The following CHM variants were observed in gnomAD, a reference collection of about 807,000 sequenced individuals.
CHM encodes the protein CHM Rab escort protein.
In CHM, 10 loss-of-function variants were observed where a neutral mutation model predicts 49.0. That is an observed-to-expected ratio of 0.20 (90% confidence interval 0.13 to 0.35). The LOEUF is 0.35. CHM is among the 10% of genes least tolerant of loss of function. The pLI is 1.00. For synonymous variants in CHM, 184 were observed against 167.5 expected, an observed-to-expected ratio of 1.10 and a Z score of -0.76; for missense variants, 455 against 478.4, an observed-to-expected ratio of 0.95 and a Z score of 0.46.
chrX:85,885,955 T>A (rs1925061350), intron 12 of CHM, among the ~76,000 whole-genome samples: 1 of 111,863 alleles, frequency 8.9e-6, no homozygotes, highest in African/African-American at 3.2e-5. Context: ...ATATAAAATT[T>A]ACATTTAAAA....
At chrX:86,015,286 T>C (rs1933246744) in intron 2 of CHM, among the ~76,000 whole-genome samples, 1 of 111,525 alleles carries the variant, frequency 9.0e-6, no homozygotes. Flanking sequence ...TTTTGTATCT[T>C]CCTCATTTTC....
At chrX:85,897,082 CATAATAT>C (rs1569403787) in intron 11 of CHM, among the ~76,000 whole-genome samples, 2 of 81,309 alleles carry the variant, frequency 2.5e-5, no homozygotes, top group Non-Finnish European at 4.3e-5. Context: ...ATATTAATTA[CATAATAT>C]ATAATATATA....
At chrX:85,984,622 C>G (rs748639783) in intron 2 of CHM, among the ~76,000 whole-genome samples, 1 of 111,687 alleles carries the variant, frequency 9.0e-6, no homozygotes, top group African/African-American at 3.3e-5. Flanking sequence ...ATGAGAAAAG[C>G]ATATACTGAC....
chrX:86,007,896 C>T (rs914752260), intron 2 of CHM, among the ~76,000 whole-genome samples: 1 of 112,005 alleles, frequency 8.9e-6, no homozygotes, highest in Non-Finnish European at 1.9e-5. Context: ...ACCCAGCCAT[C>T]CCATTACTGG....
intron 4 of CHM, among the ~76,000 whole-genome samples, chrX:85,966,206 G>A (rs893568891): frequency 9.1e-6 from 1 of 109,371 alleles, no homozygotes; most frequent in Non-Finnish European, 1.9e-5. Context: ...AAAATTAGCT[G>A]GGCGTGGTGA....
At chrX:85,870,311 C>T (rs1430658785) in intron 14 of CHM, among the ~76,000 whole-genome samples, 1 of 111,829 alleles carries the variant, frequency 8.9e-6, no homozygotes, top group East Asian at 2.8e-4. Context: ...TAAAATTGCT[C>T]GCTCTCTCTC....
intron 4 of CHM, among the ~76,000 whole-genome samples, chrX:85,967,601 T>A (rs1249906263): frequency 8.9e-6 from 1 of 112,103 alleles, no homozygotes; most frequent in African/African-American, 3.2e-5. Flanking sequence ...ACTGTTTATC[T>A]AAAGGAAAAC....
intron 6 of CHM, 23 bp from the exon 7 acceptor site, chrX:85,957,998 G>A (rs1009543965): frequency 8.3e-7 from 1 of 1,204,753 alleles, no homozygotes; most frequent in Non-Finnish European, 1.1e-6. Context: ...ATGATTTTAA[G>A]TTAAGAAACT....
chrX:85,894,449 T>G (rs1925690464), intron 11 of CHM, among the ~76,000 whole-genome samples, 165 bp from the exon 12 acceptor site: 1 of 111,955 alleles, frequency 8.9e-6, no homozygotes, highest in Non-Finnish European at 1.9e-5. Flanking sequence ...TTGAAACATA[T>G]TTATGTATCA....
At chrX:86,036,802 T>G (rs1345327253) in intron 1 of CHM, among the ~76,000 whole-genome samples, 1 of 111,489 alleles carries the variant, frequency 9.0e-6, no homozygotes, top group East Asian at 2.8e-4. Flanking sequence ...CTAGACCCCT[T>G]AGGTAGGAAT....
intron 12 of CHM, among the ~76,000 whole-genome samples, chrX:85,887,739 T>C (rs145488078): frequency 0.024 from 2,708 of 111,037 alleles, 78 homozygotes; most frequent in African/African-American, 0.085. Flanking sequence ...CAGACGGAGA[T>C]GAGGAACTTG....
intron 4 of CHM, among the ~76,000 whole-genome samples, chrX:85,966,802 G>A (rs1332616419): frequency 9.0e-6 from 1 of 111,688 alleles, no homozygotes; most frequent in African/African-American, 3.3e-5. Context: ...CTATGATGAT[G>A]ACACTGTGAA....
At chrX:85,928,268 C>A (rs1028056220) in intron 8 of CHM, among the ~76,000 whole-genome samples, 1 of 111,963 alleles carries the variant, frequency 8.9e-6, no homozygotes, top group Admixed American at 9.5e-5. Flanking sequence ...TAGGGCCGGG[C>A]GCGGTGGCTC....
intron 8 of CHM, among the ~76,000 whole-genome samples, chrX:85,945,652 G>A (rs904072359): frequency 3.7e-5 from 4 of 108,327 alleles, no homozygotes; most frequent in Non-Finnish European, 7.6e-5. Flanking sequence ...TTCTTTATAC[G>A]AGTGCAAGAA....
chrX:86,047,455 T>C (rs753467111), intron 1 of CHM, 29 bp downstream of exon 1: 58 of 1,185,056 alleles, frequency 4.9e-5, no homozygotes, highest in Non-Finnish European at 6.5e-5. Flanking sequence ...TTCCTAAACT[T>C]TGTCCAGGAA....
chrX:86,041,717 G>GGT (rs1418595129), intron 1 of CHM, among the ~76,000 whole-genome samples: 49 of 56,288 alleles, frequency 8.7e-4, no homozygotes, highest in East Asian at 3.9e-3. Flanking sequence ...TTATATATAT[G>GGT]GTGTGTGTGT....
At chrX:85,935,474 T>C (rs1020453719) in intron 8 of CHM, among the ~76,000 whole-genome samples, 2 of 111,868 alleles carry the variant, frequency 1.8e-5, no homozygotes, top group African/African-American at 6.5e-5. Context: ...TCATAGAGTG[T>C]ACTTAACAAA....
chrX:85,890,292 A>G (rs1378789100), intron 12 of CHM, among the ~76,000 whole-genome samples: 3 of 112,633 alleles, frequency 2.7e-5, no homozygotes, highest in African/African-American at 9.7e-5. Flanking sequence ...AGAAGCTAAC[A>G]CAGATAAAAA....
At chrX:85,959,806 T>C (rs1272375681) in intron 5 of CHM, among the ~76,000 whole-genome samples, 2 of 111,662 alleles carry the variant, frequency 1.8e-5, no homozygotes, top group Non-Finnish European at 1.9e-5. Flanking sequence ...ACTCAATAAA[T>C]ATTAAAAATG....
Sources: allele counts gnomAD v4.1 joint callset (sites outside exome capture counted in the v4.1 genomes callset), GRCh38; gene constraint gnomAD v4.1.1; transcripts MANE v1.5; gene names NCBI Gene and HGNC (gene_info 2026-07-23, HGNC 2026-07-21).